The following OPCML variants were observed in gnomAD, a reference collection of about 807,000 sequenced individuals.
The protein encoded by OPCML is opioid-binding protein/cell adhesion molecule.
OPCML carries 13 observed loss-of-function variants against 37.8 expected under a neutral mutation model. The ratio of observed to expected loss-of-function variants is 0.34; its 90% CI spans 0.22 to 0.55. The LOEUF is 0.55. Ranked by LOEUF, OPCML falls within the 20% of genes least tolerant of loss-of-function variation. The pLI is 0.91. For missense variants in OPCML, 341 were observed against 435.6 expected (o/e 0.78, Z 1.93); for synonymous variants, 176 against 168.8 (o/e 1.04, Z -0.33).
chr11:132,832,342 C>T (rs1425758958), intron 2 of OPCML, among the ~76,000 whole-genome samples: 1 of 151,596 alleles, frequency 6.6e-6, no homozygotes, highest in Non-Finnish European at 1.5e-5. Context: ...AAGCTGGAAG[C>T]CTAAACCTCA....
chr11:133,367,900 A>G (rs1274933694), intron 1 of OPCML, among the ~76,000 whole-genome samples: 1 of 152,140 alleles, frequency 6.6e-6, no homozygotes, highest in African/African-American at 2.4e-5. Flanking sequence ...GTTGGGTGCA[A>G]TGTGGGCCTG....
intron 2 of OPCML, among the ~76,000 whole-genome samples, chr11:132,692,633 T>C (rs1943447562): frequency 6.6e-6 from 1 of 152,162 alleles, no homozygotes; most frequent in African/African-American, 2.4e-5. Flanking sequence ...CCCTTCAAAA[T>C]GTTGAGCTTC....
chr11:133,352,614 T>C (rs1198491775), intron 1 of OPCML, among the ~76,000 whole-genome samples: 2 of 152,232 alleles, frequency 1.3e-5, no homozygotes, highest in African/African-American at 4.8e-5. Flanking sequence ...AGGACTTAAC[T>C]CTTTTATTGC....
At chr11:132,801,100 T>G (rs1341246483) in intron 2 of OPCML, among the ~76,000 whole-genome samples, 1 of 152,228 alleles carries the variant, frequency 6.6e-6, no homozygotes, top group East Asian at 1.9e-4. Context: ...AATTTTTAAT[T>G]TCTTCTTTAG....
At chr11:133,145,005 C>T (rs1218615894) in intron 1 of OPCML, among the ~76,000 whole-genome samples, 1 of 152,184 alleles carries the variant, frequency 6.6e-6, no homozygotes, top group Non-Finnish European at 1.5e-5. Context: ...CTCTTAGCAA[C>T]AACAGTGGCC....
chr11:132,458,440 C>G (rs1316667960), intron 4 of OPCML, among the ~76,000 whole-genome samples: 1 of 152,120 alleles, frequency 6.6e-6, no homozygotes, highest in Non-Finnish European at 1.5e-5. Context: ...TTCAGCCTGT[C>G]TTGCATGATT....
At chr11:133,154,363 A>C (rs1404276098) in intron 1 of OPCML, among the ~76,000 whole-genome samples, 1 of 152,106 alleles carries the variant, frequency 6.6e-6, no homozygotes, top group East Asian at 1.9e-4. Context: ...ATAAAAGTGC[A>C]TGTTTTAGTG....
chr11:133,034,709 G>A lies in OPCML; in HGVS notation c.62-91699C>T, dbSNP rs1947744194. ...AGACGCAAGGAACATTTAGAAGTGT[G>A]ACTGAGAAGTAAGTGCTTAGTAAAG... On this transcript the variant is annotated intron_variant, in intron 1 of 7. Coordinates refer to ENST00000524381, the MANE Select transcript of OPCML (RefSeq NM_001012393.5). Among the ~76,000 whole-genome samples, 4 of 151,608 alleles carry A rather than the reference G, an allele frequency of 2.6e-5. No individual in the cohort carries two copies. In the South Asian group the frequency reaches 8.3e-4, roughly 32 times the overall value.
chr11:132,642,130 T>C (rs183039975), intron 3 of OPCML, among the ~76,000 whole-genome samples: 389 of 152,330 alleles, frequency 2.6e-3, no homozygotes, highest in African/African-American at 8.9e-3. Flanking sequence ...GGGAGGTCTC[T>C]ACATTTTCTA....
intron 1 of OPCML, among the ~76,000 whole-genome samples, chr11:133,207,138 A>T (rs1939105022): frequency 6.6e-6 from 1 of 151,266 alleles, no homozygotes; most frequent in Non-Finnish European, 1.5e-5. Flanking sequence ...AAAAAAAAAA[A>T]AAATACAAAA....
chr11:132,978,232 G>C (rs749622794), intron 1 of OPCML, among the ~76,000 whole-genome samples: 7 of 152,144 alleles, frequency 4.6e-5, no homozygotes, highest in South Asian at 2.1e-4. Flanking sequence ...TAGGAAAATC[G>C]TTTGGACCAA....
At chr11:132,999,577 G>GGGGGGGGGGA (rs372561939) in intron 1 of OPCML, among the ~76,000 whole-genome samples, 2 of 146,582 alleles carry the variant, frequency 1.4e-5, no homozygotes, top group African/African-American at 5.4e-5. Context: ...GTCGGGGGGG[G>GGGGGGGGGGA]AATGCCACCG....
At chr11:132,840,857 A>C (rs1314491278) in intron 2 of OPCML, among the ~76,000 whole-genome samples, 1 of 152,152 alleles carries the variant, frequency 6.6e-6, no homozygotes, top group African/African-American at 2.4e-5. Context: ...AACCCCACAC[A>C]GCAGCGCCAG....
chr11:133,452,350 A>C (rs749693629), intron 1 of OPCML, among the ~76,000 whole-genome samples: 2 of 151,724 alleles, frequency 1.3e-5, no homozygotes, highest in African/African-American at 2.4e-5. Context: ...CTTTTAAAAT[A>C]ATTCATTTTA....
rs533806847 is a variant in OPCML, at chr11:133,374,440, G to A, written c.61+157824C>T. Reference sequence around the variant, plus strand: ...ATGATCATATATAACTTATCCAATTGTACAGTTTAAATACGTGTAGTCTAT... The same window carrying A: ...ATGATCATATATAACTTATCCAATTATACAGTTTAAATACGTGTAGTCTAT... On this transcript the variant is annotated intron_variant, in intron 1 of 7. Transcript: ENST00000524381. 1.3e-3 allele frequency among the ~76,000 whole-genome samples: 198 copies of A among 152,274 alleles called. 10 individuals are homozygous for A. The South Asian group carries it at 0.041, about 31-fold the overall frequency.
At chr11:132,935,907 G>T (rs1460041147) in intron 2 of OPCML, among the ~76,000 whole-genome samples, 1 of 152,176 alleles carries the variant, frequency 6.6e-6, no homozygotes, top group Non-Finnish European at 1.5e-5. Context: ...TAGGTTGCAG[G>T]CCCTTTGAGG....
At chr11:132,890,695 A>G (rs1436736553) in intron 2 of OPCML, among the ~76,000 whole-genome samples, 1 of 150,456 alleles carries the variant, frequency 6.6e-6, no homozygotes, top group Non-Finnish European at 1.5e-5. Context: ...AAAAAAAAAA[A>G]AATACAAAAA....
chr11:133,339,969 C>T lies in OPCML; in HGVS notation c.61+192295G>A, dbSNP rs552376942. 3.8e-4 allele frequency among the ~76,000 whole-genome samples: 58 copies of T among 152,352 alleles called. No individual in the cohort carries two copies. The South Asian group carries it at 0.012, about 32-fold the overall frequency. The stretch of plus-strand genomic sequence containing the variant: ...AAATGAACAAGTTGGCCATAGTCTC[C>T]TGTGCCTTTAGTGCCACACCACACT... On this transcript the variant is annotated intron_variant, in intron 1 of 7. Transcript: ENST00000524381.
At chr11:133,152,172 A>C (rs1461786641) in intron 1 of OPCML, among the ~76,000 whole-genome samples, 1 of 152,156 alleles carries the variant, frequency 6.6e-6, no homozygotes, top group South Asian at 2.1e-4. Context: ...TGAACAAAAA[A>C]AGAGGAATGA....
Sources: gnomAD v4.1 joint callset for allele counts (sites outside exome capture counted in the v4.1 genomes callset) on GRCh38, gnomAD v4.1.1 for gene constraint, MANE v1.5 for transcripts, NCBI Gene and HGNC (gene_info 2026-07-23, HGNC 2026-07-21) for gene names.